Variants in SEC23B observed in about 807,000 individuals in gnomAD.
The protein encoded by SEC23B is protein transport protein Sec23B.
In SEC23B, 77 loss-of-function variants were observed where a neutral mutation model predicts 104.3. That is an observed-to-expected ratio of 0.74 (90% CI 0.61 to 0.89). The LOEUF is 0.89. Among genes scored for constraint, SEC23B ranks in the 40% least tolerant of loss-of-function variants. The pLI is 0.00. For synonymous variants in SEC23B, 338 were observed against 332.5 expected, an observed-to-expected ratio of 1.02 and a Z score of -0.18; for missense variants, 885 against 949.4, an observed-to-expected ratio of 0.93 and a Z score of 0.89.
chr20:18,518,223 A>C (rs2060048053), intron 4 of SEC23B, among the ~76,000 whole-genome samples: 1 of 152,208 alleles, frequency 6.6e-6, no homozygotes, highest in African/African-American at 2.4e-5. Flanking sequence ...GGAAAAAATG[A>C]CTGCAGTGGC....
At chr20:18,550,349 G>C (rs529154050) in intron 16 of SEC23B, among the ~76,000 whole-genome samples, 4 of 152,018 alleles carry the variant, frequency 2.6e-5, no homozygotes, top group Admixed American at 6.5e-5. Flanking sequence ...TAGAGATGGG[G>C]TTTTGCCATG....
chr20:18,515,582 TA>T, intron 3 of SEC23B, 67 bp from the exon 4 acceptor site: 1 of 934,730 alleles, frequency 1.1e-6, no homozygotes, highest in Non-Finnish European at 1.8e-6. Context: ...TTATCATTTT[TA>T]CACATGGAAA....
Position 18,535,633 on chromosome 20 carries a change from A to G in SEC23B, c.1315-20A>G. 6.2e-7 allele frequency: 1 copy of G among 1,610,808 alleles called. No individual in the cohort carries two copies. Among genetic ancestry groups the G allele is most frequent in the African/African-American group, 1.3e-5 (1 of 74,930 alleles). On this transcript the variant is annotated intron_variant, in intron 11 of 19. Coordinates refer to ENST00000650089, the MANE Select transcript of SEC23B (RefSeq NM_006363.6). Reference sequence around the variant, plus strand: ...ATGGTTTTCTGGTTTTGTTTTTCAAATTCCTCTTCCCACCCCCAGGAGCTT... The same window carrying G: ...ATGGTTTTCTGGTTTTGTTTTTCAAGTTCCTCTTCCCACCCCCAGGAGCTT...
At chr20:18,540,677 G>A (rs988326387) in intron 12 of SEC23B, among the ~76,000 whole-genome samples, 1 of 152,148 alleles carries the variant, frequency 6.6e-6, no homozygotes, top group South Asian at 2.1e-4. Context: ...GCAATGCTGT[G>A]AGGCCTCATC....
intron 12 of SEC23B, among the ~76,000 whole-genome samples, chr20:18,537,408 C>G (rs2060242403): frequency 6.6e-6 from 1 of 151,370 alleles, no homozygotes; most frequent in Non-Finnish European, 1.5e-5. Context: ...TACTATGCAG[C>G]CATAAAAAAC....
intron 1 of SEC23B, chr20:18,508,241 C>A (rs944410329): frequency 2.0e-5 from 3 of 152,206 alleles, no homozygotes; most frequent in African/African-American, 7.2e-5. Flanking sequence ...TTGAGAAACT[C>A]AAGACTCAGA....
At chr20:18,531,100 T>C (rs1375862834) in intron 10 of SEC23B, among the ~76,000 whole-genome samples, 1 of 152,250 alleles carries the variant, frequency 6.6e-6, no homozygotes, top group Non-Finnish European at 1.5e-5. Flanking sequence ...CTTTATCCCT[T>C]TGCTTCTTGA....
chr20:18,558,317 C>CT (rs1351281583), intron 19 of SEC23B, among the ~76,000 whole-genome samples: 1 of 152,096 alleles, frequency 6.6e-6, no homozygotes, highest in Non-Finnish European at 1.5e-5. Context: ...TTCCAGTAGT[C>CT]TTTTTCTGTT....
chr20:18,520,294 G>C (rs1407139061), intron 4 of SEC23B, among the ~76,000 whole-genome samples: 2 of 152,184 alleles, frequency 1.3e-5, no homozygotes, highest in Non-Finnish European at 1.5e-5. Context: ...TATAACAAGC[G>C]AGTGATAACA....
Position 18,554,402 on chromosome 20 carries a change from G to A in SEC23B, c.2148+12G>A, listed in dbSNP as rs1244827000. On this transcript the variant is annotated intron_variant, in intron 18 of 19. Coordinates refer to ENST00000650089, the MANE Select transcript of SEC23B (RefSeq NM_006363.6). Reference sequence around the variant, plus strand: ...ATGGAGGCAGTCAGGTGAGTGAGCTGAGTTCTAACTCCAGTGGTTTGTTCG... The same window carrying A: ...ATGGAGGCAGTCAGGTGAGTGAGCTAAGTTCTAACTCCAGTGGTTTGTTCG... 4 of 1,613,990 alleles carry A rather than the reference G, an allele frequency of 2.5e-6. No homozygotes were observed. In the African/African-American group the frequency reaches 5.3e-5, roughly 22 times the overall value.
At chr20:18,539,426 C>T (rs1948783677) in intron 12 of SEC23B, among the ~76,000 whole-genome samples, 1 of 139,910 alleles carries the variant, frequency 7.1e-6, no homozygotes, top group African/African-American at 2.7e-5. Flanking sequence ...AGGAGAATGG[C>T]ATGAACCCAG....
intron 4 of SEC23B, among the ~76,000 whole-genome samples, chr20:18,516,392 G>C (rs994318211): frequency 6.6e-6 from 1 of 151,614 alleles, no homozygotes; most frequent in Non-Finnish European, 1.5e-5. Context: ...TTGGAGGTTT[G>C]CATTTCTGCT....
chr20:18,551,148 C>T lies in SEC23B; in HGVS notation c.1965C>T (p.Phe655=). ...ACAGAATTTTGCTGATGGATACTTT[C>T]TTTCAAATTGTCATTTATCTTGGTG... is the stretch of plus-strand genomic sequence containing the variant. ...LADRILLMDT[F]FQIVIYLGET... Residue 655 remains phenylalanine, a synonymous_variant, in exon 17 of 20, where the codon TTC becomes TTT. Coordinates refer to ENST00000650089, the MANE Select transcript of SEC23B (RefSeq NM_006363.6). The T allele has an allele frequency of 6.3e-7, 1 of 1,596,314 alleles. No individual in the cohort carries two copies. The highest frequency in any genetic ancestry group is 8.6e-7 in the Non-Finnish European group (1 of 1,168,262).
chr20:18,552,153 T>G (rs1164921388), intron 17 of SEC23B, among the ~76,000 whole-genome samples: 1 of 152,194 alleles, frequency 6.6e-6, no homozygotes, highest in Non-Finnish European at 1.5e-5. Context: ...CTTAAATTGG[T>G]TATTGATTTG....
At chr20:18,516,846 C>T (rs1001626486) in intron 4 of SEC23B, among the ~76,000 whole-genome samples, 5 of 152,130 alleles carry the variant, frequency 3.3e-5, no homozygotes, top group African/African-American at 4.8e-5. Flanking sequence ...AGCCACCGCA[C>T]CCGGCCACAT....
chr20:18,559,042 A>AT (rs1175762221), intron 19 of SEC23B, among the ~76,000 whole-genome samples: 6 of 88,048 alleles, frequency 6.8e-5, no homozygotes, highest in South Asian at 7.8e-4. Context: ...CTTTTCGCTG[A>AT]TTTTTTCTTA....
intron 5 of SEC23B, 22 bp downstream of exon 5, chr20:18,524,691 G>A: frequency 6.3e-7 from 1 of 1,590,100 alleles, no homozygotes; most frequent in Non-Finnish European, 8.6e-7. Context: ...ACTTGTACAG[G>A]AGCAGAAACA....
intron 11 of SEC23B, 106 bp downstream of exon 11, chr20:18,532,850 A>G (rs1001042235): frequency 2.4e-6 from 2 of 817,504 alleles, no homozygotes; most frequent in African/African-American, 3.4e-5. Context: ...ATGTGTCTGC[A>G]GTGACAGGAG....
At chr20:18,523,662 A>G (rs1208442529) in intron 4 of SEC23B, among the ~76,000 whole-genome samples, 2 of 149,864 alleles carry the variant, frequency 1.3e-5, no homozygotes, top group Non-Finnish European at 3.0e-5. Context: ...TGGCCTCTCA[A>G]AGTGTTGGGA....
Sources: allele counts gnomAD v4.1 joint callset (sites outside exome capture counted in the v4.1 genomes callset), GRCh38; gene constraint gnomAD v4.1.1; transcripts MANE v1.5; gene names NCBI Gene and HGNC (gene_info 2026-07-23, HGNC 2026-07-21).